CAST: variants seen among roughly 807,000 people sequenced by gnomAD.
CAST encodes the protein calpastatin.
Under a neutral mutation model 119.6 loss-of-function variants are expected in CAST, and 76 were observed. The observed-to-expected ratio is 0.64, with a 90% CI of 0.53 to 0.77. The LOEUF (loss-of-function observed/expected upper bound fraction) is 0.77, where lower values mean the gene tolerates loss of function less well. Ranked by LOEUF, CAST falls within the 30% of genes least tolerant of loss-of-function variation. The probability of loss-of-function intolerance (pLI) is 0.00; values close to 1 mark genes in which losing one functional copy is unlikely to be tolerated. For synonymous variants in CAST, 319 were observed against 331.6 expected, an observed-to-expected ratio of 0.96 and a Z score of 0.41; for missense variants, 953 against 946.5, an observed-to-expected ratio of 1.01 and a Z score of -0.09.
intron 2 of CAST, among the ~76,000 whole-genome samples, chr5:96,688,345 A>G (rs1018788118): frequency 6.6e-6 from 1 of 152,250 alleles, no homozygotes; most frequent in African/African-American, 2.4e-5. Context: ...GTCATAAATA[A>G]GAAAAGCCTT....
At chr5:96,148,334 G>C in the CAST span, among the ~76,000 whole-genome samples, 2 of 152,154 alleles carry the variant, frequency 1.3e-5, no homozygotes, top group Admixed American at 6.5e-5. Flanking sequence ...GCAGTCACCT[G>C]TCTGTTCGGC....
chr5:96,256,198 T>G, the CAST span, among the ~76,000 whole-genome samples: 3 of 148,480 alleles, frequency 2.0e-5, no homozygotes, highest in South Asian at 6.2e-4. Flanking sequence ...ATATTACATA[T>G]TATATATAAA....
chr5:96,547,213 G>T (rs1746035502), intron 1 of CAST, among the ~76,000 whole-genome samples: 1 of 152,066 alleles, frequency 6.6e-6, no homozygotes, highest in Non-Finnish European at 1.5e-5. Flanking sequence ...ATTTAATTAT[G>T]GGTCCCAAAA....
chr5:95,999,534 G>A, the CAST span, among the ~76,000 whole-genome samples: 2 of 152,042 alleles, frequency 1.3e-5, no homozygotes, highest in African/African-American at 2.4e-5. Context: ...TGTAGGAACA[G>A]GGTTTCGCTG....
the CAST span, among the ~76,000 whole-genome samples, chr5:96,022,440 C>A: frequency 6.6e-6 from 1 of 152,076 alleles, no homozygotes; most frequent in South Asian, 2.1e-4. Flanking sequence ...ATAGTAAAAG[C>A]ACCTAGTGCA....
At chr5:96,438,261 A>G in the CAST span, among the ~76,000 whole-genome samples, 1 of 152,238 alleles carries the variant, frequency 6.6e-6, no homozygotes, top group African/African-American at 2.4e-5. Flanking sequence ...AAGAAAAAAC[A>G]GTACACAAAA....
chr5:96,676,180 C>T (rs1285007883), intron 2 of CAST, among the ~76,000 whole-genome samples: 2 of 152,162 alleles, frequency 1.3e-5, no homozygotes, highest in East Asian at 3.8e-4. Context: ...ATGGAAGGGT[C>T]ATGTGAAAGT....
chr5:96,366,812 CCTT>C, the CAST span, among the ~76,000 whole-genome samples: 5 of 152,298 alleles, frequency 3.3e-5, no homozygotes, highest in East Asian at 7.7e-4. Flanking sequence ...TCATCTGAAG[CCTT>C]CTTCTCTCAA....
the CAST span, among the ~76,000 whole-genome samples, chr5:96,160,400 A>G: frequency 6.6e-6 from 1 of 152,120 alleles, no homozygotes; most frequent in Non-Finnish European, 1.5e-5. Flanking sequence ...ACTTAGCATA[A>G]TGATTTCAAG....
At chr5:95,988,384 C>T in the CAST span, among the ~76,000 whole-genome samples, 3 of 151,606 alleles carry the variant, frequency 2.0e-5, no homozygotes, top group African/African-American at 7.3e-5. Flanking sequence ...TGTGTGTGTG[C>T]GTGAGTGTGT....
intron 1 of CAST, among the ~76,000 whole-genome samples, chr5:96,542,477 A>G (rs1161022870): frequency 2.0e-5 from 3 of 152,108 alleles, no homozygotes; most frequent in Non-Finnish European, 4.4e-5. Flanking sequence ...TAGCTATTCT[A>G]ATGGGTGTGT....
intron 1 of CAST, among the ~76,000 whole-genome samples, chr5:96,627,862 C>A (rs533593130): frequency 1.1e-4 from 17 of 152,336 alleles, no homozygotes; most frequent in African/African-American, 4.1e-4. Context: ...ACAAAGTAAA[C>A]CCTCCAGGTG....
chr5:96,347,987 C>T, the CAST span, among the ~76,000 whole-genome samples: 1 of 152,118 alleles, frequency 6.6e-6, no homozygotes, highest in African/African-American at 2.4e-5. Flanking sequence ...GAAAGTATTG[C>T]CTACAAATAA....
the CAST span, among the ~76,000 whole-genome samples, chr5:96,349,139 A>AAT: frequency 4.1e-4 from 37 of 89,632 alleles, no homozygotes; most frequent in African/African-American, 1.6e-3. Flanking sequence ...CAAGGACACT[A>AAT]TTTTTTTTTT....
the CAST span, among the ~76,000 whole-genome samples, chr5:96,170,182 GAGTC>G: frequency 5.9e-5 from 9 of 152,220 alleles, no homozygotes; most frequent in South Asian, 8.3e-4. Context: ...ATCTGGGAAG[GAGTC>G]AGTCAGAGAG....
the CAST span, among the ~76,000 whole-genome samples, chr5:96,111,992 TA>T: frequency 2.0e-5 from 3 of 151,312 alleles, no homozygotes; most frequent in Admixed American, 2.0e-4. Context: ...AAACTATATA[TA>T]TTTTATATAG....
chr5:96,412,888 T>TTGGGGGG, the CAST span: 1 of 359,504 alleles, frequency 2.8e-6, no homozygotes, highest in Non-Finnish European at 4.2e-6. Context: ...ACAAAATGTT[T>TTGGGGGG]GCCCTCCCTC....
chr5:96,599,966 CAAAA>C lies in CAST; in HGVS notation c.60+70100_60+70103del, dbSNP rs74978713. Among the ~76,000 whole-genome samples the C allele has an allele frequency of 1.0e-3, 49 of 47,206 alleles. 1 individual carries two copies. Among genetic ancestry groups the C allele is most frequent in the African/African-American group, 2.9e-3 (48 of 16,356 alleles). 31.0% of individuals were successfully genotyped at this position (47,206 alleles called of 152,430 possible). ...TATCCTGTATTATTGCTTCATTAGG[CAAAA>C]AAAAAAAAAAAAACCCTCAAGCTCT... On this transcript the variant is annotated intron_variant, in intron 1 of 11. Transcript: ENST00000505143.
chr5:96,648,561 ATC>A (rs1025463142), intron 1 of CAST, among the ~76,000 whole-genome samples: 84 of 152,226 alleles, frequency 5.5e-4, no homozygotes, highest in African/African-American at 2.0e-3. Context: ...GAATTAATAT[ATC>A]TGTGTATTAT....
Sources: allele counts gnomAD v4.1 joint callset (sites outside exome capture counted in the v4.1 genomes callset), GRCh38; gene constraint gnomAD v4.1.1; transcripts MANE v1.5; gene names NCBI Gene and HGNC (gene_info 2026-07-23, HGNC 2026-07-21).